Variants in CCDC13 observed in about 807,000 individuals in gnomAD.
CCDC13 encodes the protein coiled-coil domain containing 13.
CCDC13 carries 70 observed loss-of-function variants against 87.3 expected under a neutral mutation model. The observed-to-expected ratio is 0.80, with a 90% confidence interval of 0.66 to 0.98. The LOEUF is 0.98. Ranked by LOEUF, CCDC13 falls within the 50% of genes least tolerant of loss-of-function variation. CCDC13 has a pLI of 0.00. For synonymous variants in CCDC13, 317 were observed against 360.3 expected, an observed-to-expected ratio of 0.88 and a Z score of 1.36; for missense variants, 842 against 892.0, an observed-to-expected ratio of 0.94 and a Z score of 0.71.
chr3:42,772,008 A>T (rs1186384260), intron 1 of CCDC13, among the ~76,000 whole-genome samples: 1 of 151,940 alleles, frequency 6.6e-6, no homozygotes, highest in Non-Finnish European at 1.5e-5. Context: ...GTGGTGGCTC[A>T]TGCGTGTAAT....
chr3:42,721,752 C>T (rs759432965), intron 13 of CCDC13, among the ~76,000 whole-genome samples: 6 of 152,188 alleles, frequency 3.9e-5, no homozygotes, highest in South Asian at 2.1e-4. Context: ...GGTTATTTTA[C>T]CAAAACTTTG....
intron 7 of CCDC13, among the ~76,000 whole-genome samples, chr3:42,743,584 A>T (rs1365616434): frequency 1.3e-5 from 1 of 74,206 alleles, no homozygotes; most frequent in African/African-American, 7.1e-5. Context: ...TGCCTGGATA[A>T]TTTTATATAT....
At chr3:42,769,321 T>C (rs1264209600) in intron 1 of CCDC13, among the ~76,000 whole-genome samples, 1 of 152,150 alleles carries the variant, frequency 6.6e-6, no homozygotes, top group Non-Finnish European at 1.5e-5. Context: ...ATCCAAAACA[T>C]TGACAACATC....
chr3:42,770,512 C>G (rs891732966), intron 1 of CCDC13: 1 of 152,318 alleles, frequency 6.6e-6, no homozygotes, highest in East Asian at 1.9e-4. Flanking sequence ...GTAAAACAGA[C>G]CAATGGGCTC....
intron 13 of CCDC13, among the ~76,000 whole-genome samples, chr3:42,718,439 A>G (rs1161981498): frequency 1.3e-5 from 2 of 152,180 alleles, no homozygotes; most frequent in Non-Finnish European, 2.9e-5. Flanking sequence ...AGCCCTGGGG[A>G]CTGCTGTGTC....
At chr3:42,724,951 C>T (rs1226345995) in intron 13 of CCDC13, among the ~76,000 whole-genome samples, 1 of 151,790 alleles carries the variant, frequency 6.6e-6, no homozygotes, top group Admixed American at 6.6e-5. Flanking sequence ...ATACATAATA[C>T]CATATATATG....
At chr3:42,767,960 G>T (rs1575340449) in intron 1 of CCDC13, among the ~76,000 whole-genome samples, 1 of 149,730 alleles carries the variant, frequency 6.7e-6, no homozygotes, top group African/African-American at 2.5e-5. Context: ...GCCAACAGGA[G>T]CAAAACTCCA....
At chr3:42,737,072 C>A (rs1000740998) in intron 9 of CCDC13, among the ~76,000 whole-genome samples, 3 of 151,862 alleles carry the variant, frequency 2.0e-5, no homozygotes, top group Non-Finnish European at 2.9e-5. Flanking sequence ...CAGCCCCCCA[C>A]CCACCGACAG....
intron 6 of CCDC13, 165 bp downstream of exon 6, chr3:42,747,092 G>T: frequency 1.3e-6 from 1 of 754,694 alleles, no homozygotes; most frequent in East Asian, 2.5e-5. Flanking sequence ...ATGGACCAAG[G>T]GCTGGTGGGA....
At chr3:42,737,175 G>A (rs909500340) in intron 9 of CCDC13, among the ~76,000 whole-genome samples, 6 of 151,330 alleles carry the variant, frequency 4.0e-5, no homozygotes, top group Admixed American at 2.0e-4. Context: ...TTGGTTTTCT[G>A]TCCTTGTGAT....
At chr3:42,729,935 G>A (rs971825192) in intron 13 of CCDC13, among the ~76,000 whole-genome samples, 2 of 152,210 alleles carry the variant, frequency 1.3e-5, no homozygotes, top group Admixed American at 6.5e-5. Context: ...AGGATCATTT[G>A]AGCGAGGAGC....
In CCDC13 at chr3:42,758,369, A is replaced by G; in HGVS notation, c.-6-18T>C. On this transcript the variant is annotated intron_variant, in intron 1 of 15. Transcript: ENST00000310232. ...ATCCTGCCCTAGGCATCAGAAATGA[A>G]GCCTCAGCTGAAGCAAACTCCACAC... 1 of 1,608,650 alleles carries G rather than the reference A, an allele frequency of 6.2e-7. No homozygotes were observed. Among genetic ancestry groups the G allele is most frequent in the Admixed American group, 1.7e-5 (1 of 59,826 alleles).
intron 10 of CCDC13, among the ~76,000 whole-genome samples, chr3:42,734,142 C>T (rs1035784709): frequency 2.6e-5 from 4 of 152,116 alleles, no homozygotes; most frequent in Non-Finnish European, 4.4e-5. Flanking sequence ...CCTGCTGGGG[C>T]TGGACTGGAC....
intron 8 of CCDC13, 126 bp from the exon 9 acceptor site, chr3:42,739,936 A>C: frequency 4.7e-6 from 4 of 844,918 alleles, no homozygotes; most frequent in Non-Finnish European, 7.4e-6. Context: ...AATGCCACAG[A>C]GCAAGTCACT....
rs60229512 is a variant in CCDC13, at chr3:42,715,309, CAAA to C, written c.1719-1996_1719-1994del. Among the ~76,000 whole-genome samples, 766 of 143,632 alleles carry C rather than the reference CAAA, an allele frequency of 5.3e-3. 5 individuals are homozygous for C. Among genetic ancestry groups the C allele is most frequent in the African/African-American group, 0.017 (670 of 38,524 alleles). The allele number at this position is 143,632 out of a possible 152,430, so 94.2% of individuals were successfully genotyped here. A position where few individuals can be genotyped will look rare whatever the true frequency, so the allele number is the denominator to read the frequency against. On this transcript the variant is annotated intron_variant, in intron 13 of 15. Transcript: ENST00000310232. ...GGGCAACAGGAGCGAAACTCTGTCTCAAAAAAAAAAAAAAAATTAAATTTCAGG... is the reference window on the plus strand; with the variant it reads ...GGGCAACAGGAGCGAAACTCTGTCTCAAAAAAAAAAAAATTAAATTTCAGG...
In CCDC13 at chr3:42,708,268, C is replaced by T. The variant is rs1698221901; in HGVS notation, c.*712G>A. ...AGACTGCAGTTAAATATTAGCTCAGCTTCTTTCTGTGAACCTCAGTTTCTT... is the reference window on the plus strand; with the variant it reads ...AGACTGCAGTTAAATATTAGCTCAGTTTCTTTCTGTGAACCTCAGTTTCTT... On this transcript the variant is annotated 3_prime_UTR_variant, in exon 16 of 16. Coordinates refer to ENST00000310232, the MANE Select transcript of CCDC13 (RefSeq NM_144719.4). 1 of 152,174 alleles carries T rather than the reference C, an allele frequency of 6.6e-6. No homozygotes were observed. The highest frequency in any genetic ancestry group is 2.4e-5 in the African/African-American group (1 of 41,412). The allele number at this position is 152,174 out of a possible 1,614,324, so 9.4% of individuals were successfully genotyped here.
chr3:42,750,439 G>A (rs1699545073), intron 5 of CCDC13, among the ~76,000 whole-genome samples: 1 of 152,154 alleles, frequency 6.6e-6, no homozygotes, highest in African/African-American at 2.4e-5. Flanking sequence ...CATAGACAGA[G>A]CCTCTGTTTT....
At chr3:42,754,896 C>T (rs569586761) in intron 3 of CCDC13, among the ~76,000 whole-genome samples, 2 of 152,118 alleles carry the variant, frequency 1.3e-5, no homozygotes, top group Non-Finnish European at 2.9e-5. Flanking sequence ...AGCTGCAACC[C>T]CTTGATAAAT....
intron 1 of CCDC13, among the ~76,000 whole-genome samples, chr3:42,765,256 C>T (rs908500652): frequency 3.9e-5 from 6 of 152,192 alleles, no homozygotes; most frequent in African/African-American, 1.4e-4. Flanking sequence ...CTTGGCCCAA[C>T]GGAGCCTCTG....
Sources: gnomAD v4.1 joint callset for allele counts (sites outside exome capture counted in the v4.1 genomes callset) on GRCh38, gnomAD v4.1.1 for gene constraint, MANE v1.5 for transcripts, NCBI Gene and HGNC (gene_info 2026-07-23, HGNC 2026-07-21) for gene names.